SUMF1: variants seen among roughly 807,000 people sequenced by gnomAD.
SUMF1 encodes the protein formylglycine-generating enzyme.
In SUMF1, 48 loss-of-function variants were observed where a neutral mutation model predicts 47.6. The observed-to-expected ratio is 1.01, with a 90% confidence interval of 0.80 to 1.28. The LOEUF is 1.28. SUMF1 is among the 50% of genes most tolerant of loss of function. The pLI is 0.00. For missense variants in SUMF1, 571 were observed against 485.4 expected (o/e 1.18, Z -1.66); for synonymous variants, 230 against 192.1 (o/e 1.20, Z -1.63).
intron 8 of SUMF1, among the ~76,000 whole-genome samples, chr3:4,166,485 T>C (rs1208424118): frequency 6.6e-6 from 1 of 152,122 alleles, no homozygotes; most frequent in Non-Finnish European, 1.5e-5. Flanking sequence ...AAAAATTATA[T>C]CTTTCTAATT....
chr3:4,291,496 C>A (rs1279677799), intron 8 of SUMF1, among the ~76,000 whole-genome samples: 2 of 152,052 alleles, frequency 1.3e-5, no homozygotes, highest in Admixed American at 1.3e-4. Flanking sequence ...ATAATTTATG[C>A]CTCACTTTGT....
chr3:4,261,685 G>A (rs1487827636), intron 8 of SUMF1, among the ~76,000 whole-genome samples: 4 of 152,202 alleles, frequency 2.6e-5, no homozygotes, highest in African/African-American at 4.8e-5. Flanking sequence ...AGTCAGGAGC[G>A]TGAAGGACAT....
chr3:4,466,991 T>C lies in SUMF1; in HGVS notation c.255A>G (p.Gln85=). The C allele has an allele frequency of 1.2e-6, 2 of 1,602,336 alleles. No individual in the cohort carries two copies. Among genetic ancestry groups the C allele is most frequent in the Middle Eastern group, 2.1e-4 (1 of 4,662 alleles). Residue 85 remains glutamine, a synonymous_variant, in exon 1 of 9, where the codon CAA becomes CAG. Transcript: ENST00000272902. ...GATGGAGCACCTTTGAGTGCGCGAG[T>C]TGCCGCTCTCCGGGTACGGGGCCCG... ...NAPGPVPGER[Q]LAHSKMVPIP... is the part of the protein sequence containing the mutation.
intron 8 of SUMF1, among the ~76,000 whole-genome samples, chr3:4,334,085 G>C (rs1463705182): frequency 6.6e-6 from 1 of 151,636 alleles, no homozygotes; most frequent in Non-Finnish European, 1.5e-5. Flanking sequence ...CCCTGGTTGT[G>C]CCACTGCACT....
chr3:4,466,721 A>T (rs969909290), intron 1 of SUMF1, among the ~76,000 whole-genome samples: 4 of 152,200 alleles, frequency 2.6e-5, no homozygotes, highest in African/African-American at 9.7e-5. Flanking sequence ...CATTAAGAGA[A>T]CAGGTTGGAG....
intron 9 of SUMF1, among the ~76,000 whole-genome samples, chr3:4,067,850 C>T: frequency 6.6e-6 from 1 of 152,084 alleles, no homozygotes; most frequent in Non-Finnish European, 1.5e-5. Flanking sequence ...TAGGTCATCC[C>T]CCCAGAGCAC....
intron 8 of SUMF1, among the ~76,000 whole-genome samples, chr3:4,147,128 C>A (rs1371773534): frequency 6.6e-6 from 1 of 152,066 alleles, no homozygotes; most frequent in Non-Finnish European, 1.5e-5. Flanking sequence ...CCATCTCACA[C>A]CAGTTAGAAT....
intron 8 of SUMF1, among the ~76,000 whole-genome samples, chr3:4,226,150 A>C (rs144593332): frequency 2.1e-4 from 32 of 151,926 alleles, no homozygotes; most frequent in Admixed American, 1.9e-3. Context: ...AATAAATTGT[A>C]TGCGCTGAAT....
chr3:4,280,072 A>G (rs936531379), intron 8 of SUMF1, among the ~76,000 whole-genome samples: 1 of 152,164 alleles, frequency 6.6e-6, no homozygotes, highest in African/African-American at 2.4e-5. Flanking sequence ...CCACTAAGAC[A>G]GTAGATTTTA....
Position 4,362,011 on chromosome 3 carries a change from T to A in SUMF1, c.*133A>T, listed in dbSNP as rs570298554. 1.2e-6 allele frequency: 1 copy of A among 816,708 alleles called. No individual in the cohort carries two copies. The highest frequency in any genetic ancestry group is 2.7e-5 in the East Asian group (1 of 37,328). 50.6% of individuals were successfully genotyped at this position (816,708 alleles called of 1,614,324 possible). A position where few individuals can be genotyped will look rare whatever the true frequency, so the allele number is the denominator to read the frequency against. ...AATTTGGTCTCACAAGGCGGTTCCT[T>A]TGGCCATTGGGCAGGTATGTAACCC... On this transcript the variant is annotated 3_prime_UTR_variant, in exon 9 of 9. Transcript: ENST00000272902.
rs539782387 is a variant in SUMF1, at chr3:4,035,624, G to C, written c.1191+32945C>G. ...GAGGCCACAACTCAACCTTCTATAG[G>C]CTTCCATTAGGCTGTATGATAGATA... is the stretch of plus-strand genomic sequence containing the variant. On this transcript the variant is annotated intron_variant and NMD_transcript_variant, in intron 9 of 12. Transcript: ENST00000448413. Among the ~76,000 whole-genome samples the C allele has an allele frequency of 5.9e-5, 9 of 152,208 alleles. No individual in the cohort carries two copies. The South Asian group carries it at 8.3e-4, about 14-fold the overall frequency.
chr3:4,260,558 T>C (rs1697063976), intron 8 of SUMF1, among the ~76,000 whole-genome samples: 1 of 152,130 alleles, frequency 6.6e-6, no homozygotes, highest in South Asian at 2.1e-4. Context: ...ATAACGTAGA[T>C]CATTGTCTTA....
intron 8 of SUMF1, among the ~76,000 whole-genome samples, chr3:4,196,499 C>T (rs951030351): frequency 6.6e-6 from 1 of 152,142 alleles, no homozygotes; most frequent in Non-Finnish European, 1.5e-5. Flanking sequence ...GCCAGCCATA[C>T]TAATATGGAT....
At chr3:4,265,398 G>C (rs1697171552) in intron 8 of SUMF1, among the ~76,000 whole-genome samples, 1 of 151,900 alleles carries the variant, frequency 6.6e-6, no homozygotes, top group Admixed American at 6.6e-5. Context: ...AGTGTGATTT[G>C]TCCATTTTTT....
chr3:4,187,139 G>A (rs1404506868), intron 8 of SUMF1, among the ~76,000 whole-genome samples: 2 of 152,178 alleles, frequency 1.3e-5, no homozygotes, highest in African/African-American at 4.8e-5. Context: ...AGAGGCTGAG[G>A]TGGGAGGACT....
intron 6 of SUMF1, 78 bp downstream of exon 6, chr3:4,417,050 A>C: frequency 7.6e-7 from 1 of 1,315,436 alleles, no homozygotes; most frequent in Non-Finnish European, 1.1e-6. Context: ...CAAAGTGAGC[A>C]ATGCCTTTCA....
chr3:4,104,035 C>T (rs1693099518), intron 8 of SUMF1, among the ~76,000 whole-genome samples: 1 of 152,150 alleles, frequency 6.6e-6, no homozygotes. Context: ...AGAGACCATG[C>T]TGGAAATTTT....
At chr3:4,297,564 A>ATTT (rs746612402) in intron 8 of SUMF1, among the ~76,000 whole-genome samples, 19,059 of 113,568 alleles carry the variant, frequency 0.17, 2,441 homozygotes, top group South Asian at 0.33. Context: ...CTACACCTGA[A>ATTT]TTTTTTTTTT....
intron 8 of SUMF1, among the ~76,000 whole-genome samples, chr3:4,158,646 T>C (rs1694507649): frequency 6.6e-6 from 1 of 151,560 alleles, no homozygotes; most frequent in South Asian, 2.1e-4. Context: ...TGTGCTCATA[T>C]ATATCTGGGT....
Sources: gnomAD v4.1 joint callset for allele counts (sites outside exome capture counted in the v4.1 genomes callset) on GRCh38, gnomAD v4.1.1 for gene constraint, MANE v1.5 for transcripts, NCBI Gene and HGNC (gene_info 2026-07-23, HGNC 2026-07-21) for gene names.